Variants in NIPAL2 observed in about 807,000 individuals in gnomAD.
NIPAL2 encodes the protein NIPA-like protein 2.
In NIPAL2, 43 loss-of-function variants were observed where a neutral mutation model predicts 48.9. That is an observed-to-expected ratio of 0.88 (90% CI 0.69 to 1.13). NIPAL2 has a LOEUF of 1.13. Ranked by LOEUF, NIPAL2 falls within the 50% of genes most tolerant of loss-of-function variation. The pLI, the probability that NIPAL2 is intolerant of heterozygous loss-of-function variation, is 0.00. For synonymous variants in NIPAL2, 167 were observed against 174.6 expected (o/e 0.96, Z 0.34); for missense variants, 446 against 461.4 (o/e 0.97, Z 0.31).
chr8:98,218,732 G>A (rs1372394533), intron 5 of NIPAL2, among the ~76,000 whole-genome samples: 1 of 152,154 alleles, frequency 6.6e-6, no homozygotes, highest in Non-Finnish European at 1.5e-5. Context: ...TAGATAAAGA[G>A]GTCCAATCTG....
intron 5 of NIPAL2, among the ~76,000 whole-genome samples, chr8:98,217,461 A>G (rs1029315000): frequency 6.6e-6 from 1 of 152,250 alleles, no homozygotes; most frequent in Non-Finnish European, 1.5e-5. Flanking sequence ...GGTATAATAC[A>G]TAGAGTTAGA....
chr8:98,217,320 A>T, intron 5 of NIPAL2: 4 of 970,540 alleles, frequency 4.1e-6, no homozygotes, highest in Non-Finnish European at 4.9e-6. Context: ...CAAGGGGTTG[A>T]TGTGAGCCAG....
intron 3 of NIPAL2, among the ~76,000 whole-genome samples, chr8:98,236,851 CAAAAAAA>C (rs34210829): frequency 1.5e-4 from 10 of 66,900 alleles, no homozygotes; most frequent in African/African-American, 4.5e-4. Flanking sequence ...GATCCTGTCT[CAAAAAAA>C]AAAAAAAAAA....
chr8:98,247,687 G>A (rs766245088), intron 3 of NIPAL2, among the ~76,000 whole-genome samples: 4 of 152,068 alleles, frequency 2.6e-5, no homozygotes, highest in African/African-American at 9.7e-5. Context: ...TTCACAAAAC[G>A]GCACCACACA....
At chr8:98,244,073 T>C (rs1388120129) in intron 3 of NIPAL2, among the ~76,000 whole-genome samples, 1 of 152,146 alleles carries the variant, frequency 6.6e-6, no homozygotes, top group Non-Finnish European at 1.5e-5. Context: ...ATCAATTAAT[T>C]ATACTTTACT....
At chr8:98,285,699 T>G (rs898464145) in intron 1 of NIPAL2, among the ~76,000 whole-genome samples, 1 of 152,230 alleles carries the variant, frequency 6.6e-6, no homozygotes, top group South Asian at 2.1e-4. Flanking sequence ...CTTTCTTTTC[T>G]TATTTAAGTC....
Position 98,290,916 on chromosome 8 carries a change from T to A in NIPAL2, c.135+3087A>T, listed in dbSNP as rs1051990650. Among the ~76,000 whole-genome samples the A allele has an allele frequency of 2.5e-4, 38 of 152,210 alleles. 1 individual carries two copies. Among genetic ancestry groups the A allele is most frequent in the Admixed American group, 2.3e-3 (35 of 15,274 alleles). On this transcript the variant is annotated intron_variant, in intron 1 of 10. Coordinates refer to ENST00000430223, the MANE Select transcript of NIPAL2 (RefSeq NM_001321635.2). The stretch of plus-strand genomic sequence containing the variant: ...TTAAAAAGATGATGGAAACTTGAAA[T>A]TTTATATTTAATCTTCTCATTTTTA...
chr8:98,217,387 A>G (rs1294231736), intron 5 of NIPAL2: 1 of 970,228 alleles, frequency 1.0e-6, no homozygotes, highest in African/African-American at 1.8e-5. Flanking sequence ...ATTCAGGCTT[A>G]TACATATTTT....
chr8:98,247,101 A>G (rs1305591756), intron 3 of NIPAL2, among the ~76,000 whole-genome samples: 2 of 152,236 alleles, frequency 1.3e-5, no homozygotes, highest in East Asian at 3.8e-4. Context: ...GGACAGGCTT[A>G]TAGACCTATG....
At chr8:98,206,700 A>C (rs780933904) in intron 6 of NIPAL2, among the ~76,000 whole-genome samples, 12 of 151,312 alleles carry the variant, frequency 7.9e-5, no homozygotes, top group Admixed American at 2.0e-4. Context: ...AGGCAGGAGA[A>C]TGGCGTGAAC....
At chr8:98,269,713 AG>A (rs1001491948) in intron 1 of NIPAL2, among the ~76,000 whole-genome samples, 50 of 152,132 alleles carry the variant, frequency 3.3e-4, no homozygotes, top group African/African-American at 1.0e-3. Context: ...TTTTAGATTC[AG>A]GGGGTACATG....
At position 98,236,153 on chromosome 8, in the gene NIPAL2, A is replaced by G; in HGVS notation, c.436+2T>C. 1 of 1,573,108 alleles carries G rather than the reference A, an allele frequency of 6.4e-7. No individual in the cohort carries two copies. Among genetic ancestry groups the G allele is most frequent in the Non-Finnish European group, 8.7e-7 (1 of 1,147,720 alleles). On this transcript the variant is annotated splice_donor_variant, in intron 4 of 10. Transcript: ENST00000430223. LOFTEE classifies it high-confidence loss of function. ...AATTACATGAATTAAATAATTACTT[A>G]CCGAGTAAGTCTGAGGCTCTCAAAT...
At chr8:98,202,664 C>G (rs1427428659) in intron 8 of NIPAL2, among the ~76,000 whole-genome samples, 1 of 152,174 alleles carries the variant, frequency 6.6e-6, no homozygotes, top group Admixed American at 6.5e-5. Flanking sequence ...GATGCTGGCA[C>G]CATGCTTCTG....
chr8:98,210,252 A>G (rs1045543671), intron 6 of NIPAL2, among the ~76,000 whole-genome samples: 1 of 152,044 alleles, frequency 6.6e-6, no homozygotes, highest in Admixed American at 6.6e-5. Flanking sequence ...AAAGCAATCA[A>G]TCTCTCTGAA....
intron 1 of NIPAL2, among the ~76,000 whole-genome samples, chr8:98,260,799 C>T (rs1039160182): frequency 5.9e-5 from 9 of 152,258 alleles, no homozygotes; most frequent in African/African-American, 2.2e-4. Flanking sequence ...TGCCTGCCTG[C>T]CTCTGTAGGC....
intron 3 of NIPAL2, 145 bp downstream of exon 3, chr8:98,252,318 T>C (rs977295235): frequency 3.9e-6 from 3 of 776,868 alleles, no homozygotes; most frequent in African/African-American, 1.8e-5. Flanking sequence ...TCGCTGAAAT[T>C]AGCAGAATAA....
intron 1 of NIPAL2, among the ~76,000 whole-genome samples, chr8:98,260,015 G>T (rs527702966): frequency 6.6e-6 from 1 of 152,206 alleles, no homozygotes; most frequent in Non-Finnish European, 1.5e-5. Context: ...ATAGACTAAG[G>T]TTGACTAAGA....
chr8:98,217,705 T>C (rs1811645174), intron 5 of NIPAL2, among the ~76,000 whole-genome samples: 1 of 152,208 alleles, frequency 6.6e-6, no homozygotes, highest in Admixed American at 6.5e-5. Context: ...ATAGATCTAT[T>C]CTCCTTAGAG....
chr8:98,292,803 AATAAT>A (rs763462697), intron 1 of NIPAL2, among the ~76,000 whole-genome samples: 101 of 152,172 alleles, frequency 6.6e-4, no homozygotes, highest in Non-Finnish European at 1.1e-3. Flanking sequence ...CTAATAAAAG[AATAAT>A]ATAATAGATA....
Sources: allele counts gnomAD v4.1 joint callset (sites outside exome capture counted in the v4.1 genomes callset), GRCh38; gene constraint gnomAD v4.1.1; transcripts MANE v1.5; gene names NCBI Gene and HGNC (gene_info 2026-07-23, HGNC 2026-07-21).